Variants in SNTG2 observed in about 807,000 individuals in gnomAD.
The protein encoded by SNTG2 is syntrophin gamma 2.
SNTG2 carries 74 observed loss-of-function variants against 70.9 expected under a neutral mutation model. The ratio of observed to expected loss-of-function variants is 1.04; its 90% CI spans 0.86 to 1.27. The LOEUF (loss-of-function observed/expected upper bound fraction) is 1.27. SNTG2 is among the 50% of genes most tolerant of loss of function. The probability of loss-of-function intolerance (pLI) is 0.00; values close to 1 mark genes in which losing one functional copy is unlikely to be tolerated. For synonymous variants in SNTG2, 278 were observed against 273.8 expected, an observed-to-expected ratio of 1.02 and a Z score of -0.15; for missense variants, 717 against 690.7, an observed-to-expected ratio of 1.04 and a Z score of -0.43.
intron 16 of SNTG2, among the ~76,000 whole-genome samples, chr2:1,321,315 T>C (rs1204965080): frequency 2.0e-5 from 3 of 152,210 alleles, no homozygotes. Context: ...TGAAGAATCA[T>C]GTCTCTGGGA....
intron 14 of SNTG2, among the ~76,000 whole-genome samples, chr2:1,287,941 G>T (rs1305684591): frequency 1.3e-5 from 2 of 152,196 alleles, no homozygotes; most frequent in African/African-American, 4.8e-5. Context: ...CATCGTGATG[G>T]ACAGCCTGGA....
intron 16 of SNTG2, among the ~76,000 whole-genome samples, chr2:1,339,782 A>G (rs1331011188): frequency 1.3e-5 from 2 of 152,248 alleles, no homozygotes; most frequent in African/African-American, 4.8e-5. Flanking sequence ...ATTCCACTGC[A>G]GCCCAAGAGC....
At chr2:1,245,281 G>GA (rs1055373362) in intron 11 of SNTG2, among the ~76,000 whole-genome samples, 18 of 147,474 alleles carry the variant, frequency 1.2e-4, no homozygotes, top group African/African-American at 2.0e-4. Flanking sequence ...AAAAAAAAAG[G>GA]AAAAAAAAAA....
chr2:1,266,783 C>A (rs1197924704), intron 13 of SNTG2, among the ~76,000 whole-genome samples: 1 of 100,506 alleles, frequency 9.9e-6, no homozygotes, highest in Non-Finnish European at 1.9e-5. Flanking sequence ...CAGGGTTTCC[C>A]TCTGTCACCC....
At chr2:1,300,302 C>T (rs1221061590) in intron 14 of SNTG2, among the ~76,000 whole-genome samples, 1 of 152,212 alleles carries the variant, frequency 6.6e-6, no homozygotes, top group East Asian at 1.9e-4. Context: ...TTTCAAAGTC[C>T]ACTCACTCTT....
chr2:1,208,141 G>T (rs1019690972), intron 8 of SNTG2, among the ~76,000 whole-genome samples: 1 of 152,214 alleles, frequency 6.6e-6, no homozygotes, highest in Non-Finnish European at 1.5e-5. Context: ...GGAGCTCAGG[G>T]CTGGTGCTTC....
chr2:1,174,757 A>G (rs965875289), intron 8 of SNTG2, among the ~76,000 whole-genome samples: 4 of 152,078 alleles, frequency 2.6e-5, no homozygotes, highest in Admixed American at 1.3e-4. Context: ...CTGGGGCTCT[A>G]TTTCATTTCC....
chr2:1,320,342 G>C (rs1681462453), intron 16 of SNTG2, among the ~76,000 whole-genome samples: 1 of 151,902 alleles, frequency 6.6e-6, no homozygotes, highest in Admixed American at 6.6e-5. Flanking sequence ...AGACCATCCT[G>C]GCTGACACAG....
intron 7 of SNTG2, among the ~76,000 whole-genome samples, chr2:1,167,721 A>G (rs1393463592): frequency 1.0e-4 from 9 of 88,246 alleles, no homozygotes; most frequent in African/African-American, 4.4e-4. Context: ...ACTGAAGCCT[A>G]GAAGCCGCCC....
intron 6 of SNTG2, among the ~76,000 whole-genome samples, chr2:1,154,713 A>T (rs1669737564): frequency 6.6e-6 from 1 of 152,132 alleles, no homozygotes; most frequent in Admixed American, 6.5e-5. Flanking sequence ...AGTAAGTGTA[A>T]ATGAGATTAA....
chr2:1,178,338 T>G (rs2147899706), intron 8 of SNTG2, among the ~76,000 whole-genome samples: 1 of 152,306 alleles, frequency 6.6e-6, no homozygotes, highest in East Asian at 1.9e-4. Context: ...TCCAACACTA[T>G]GTTGAATAGG....
At chr2:1,265,381 T>TACACATGTTCATGTGTGCAC (rs1321745169) in intron 13 of SNTG2, among the ~76,000 whole-genome samples, 5 of 152,206 alleles carry the variant, frequency 3.3e-5, no homozygotes, top group Non-Finnish European at 7.3e-5. Flanking sequence ...TTTCCACACA[T>TACACATGTTCATGTGTGCAC]ACACATGTTC....
chr2:1,185,642 T>C (rs1199224261), intron 8 of SNTG2, among the ~76,000 whole-genome samples: 2 of 152,180 alleles, frequency 1.3e-5, no homozygotes, highest in African/African-American at 4.8e-5. Context: ...GAGACATATC[T>C]GGGACCCTTA....
intron 1 of SNTG2, among the ~76,000 whole-genome samples, chr2:1,048,389 G>A (rs1245660115): frequency 6.6e-6 from 1 of 152,116 alleles, no homozygotes; most frequent in Non-Finnish European, 1.5e-5. Context: ...TGAATGACTT[G>A]TAACTTCACT....
chr2:1,059,263 T>C (rs1016120012), intron 1 of SNTG2: 3 of 152,202 alleles, frequency 2.0e-5, no homozygotes, highest in African/African-American at 7.2e-5. Flanking sequence ...CAAACCTGTT[T>C]TTAGATTTGA....
At chr2:1,245,269 A>T (rs1480583068) in intron 11 of SNTG2, among the ~76,000 whole-genome samples, 3 of 152,046 alleles carry the variant, frequency 2.0e-5, no homozygotes, top group East Asian at 1.9e-4. Context: ...AAGTATAATA[A>T]TAAAAAAAAA....
chr2:1,298,821 G>A (rs1490576368), intron 14 of SNTG2, among the ~76,000 whole-genome samples: 1 of 152,122 alleles, frequency 6.6e-6, no homozygotes. Flanking sequence ...CCTTAATTGG[G>A]TAGGCACCAT....
chr2:1,331,427 C>G (rs1659522323), intron 16 of SNTG2, among the ~76,000 whole-genome samples: 1 of 152,186 alleles, frequency 6.6e-6, no homozygotes, highest in Admixed American at 6.5e-5. Flanking sequence ...CTGACTTTGT[C>G]TTAATAACTT....
intron 9 of SNTG2, among the ~76,000 whole-genome samples, chr2:1,219,395 A>G (rs7559580): frequency 0.18 from 27,027 of 152,170 alleles, 4,627 homozygotes; most frequent in African/African-American, 0.45. Flanking sequence ...CAAATTGTTT[A>G]TGGAATAAGG....
Sources: gnomAD v4.1 joint callset for allele counts (sites outside exome capture counted in the v4.1 genomes callset) on GRCh38, gnomAD v4.1.1 for gene constraint, MANE v1.5 for transcripts, NCBI Gene and HGNC (gene_info 2026-07-23, HGNC 2026-07-21) for gene names.